Variants in GIGYF2 observed in about 807,000 individuals in gnomAD.
The protein encoded by GIGYF2 is GRB10 interacting GYF protein 2, also known as GRB10-interacting GYF protein 2.
A neutral mutation model predicts 208.1 loss-of-function variants in GIGYF2; 25 were observed. That is an observed-to-expected ratio of 0.12 (90% CI 0.09 to 0.17). GIGYF2 has a LOEUF of 0.17. GIGYF2 is among the 10% of genes least tolerant of loss of function. GIGYF2 has a pLI of 1.00. For missense variants in GIGYF2, 1,302 were observed against 1,579.4 expected, an observed-to-expected ratio of 0.82 and a Z score of 2.98; for synonymous variants, 534 against 543.8, an observed-to-expected ratio of 0.98 and a Z score of 0.25.
At chr2:232,722,585 T>C (rs966899993) in intron 2 of GIGYF2, 3 of 152,206 alleles carry the variant, frequency 2.0e-5, no homozygotes, top group Non-Finnish European at 4.4e-5. Flanking sequence ...CAAGGTGTCC[T>C]GAATTGGAGA....
chr2:232,743,589 T>G (rs116779816), intron 3 of GIGYF2, among the ~76,000 whole-genome samples: 336 of 152,300 alleles, frequency 2.2e-3, no homozygotes, highest in African/African-American at 7.3e-3. Context: ...TAGACCCCAG[T>G]GTCTATCATT....
intron 2 of GIGYF2, among the ~76,000 whole-genome samples, chr2:232,706,386 G>A (rs759900641): frequency 2.0e-5 from 3 of 152,208 alleles, no homozygotes; most frequent in Admixed American, 6.5e-5. Context: ...GCTTACATCC[G>A]TAATCCCAGC....
chr2:232,804,381 GT>G (rs199519467), intron 14 of GIGYF2, among the ~76,000 whole-genome samples: 1,387 of 121,870 alleles, frequency 0.011, 11 homozygotes, highest in African/African-American at 0.035. Flanking sequence ...GAGCATCTCA[GT>G]TTTTTTTTTT....
At chr2:232,707,212 G>A (rs1335278796) in intron 2 of GIGYF2, among the ~76,000 whole-genome samples, 1 of 152,156 alleles carries the variant, frequency 6.6e-6, no homozygotes, top group Non-Finnish European at 1.5e-5. Context: ...ATTGTGGCTA[G>A]TATCTTCTTC....
intron 2 of GIGYF2, among the ~76,000 whole-genome samples, chr2:232,710,290 T>C (rs1177688898): frequency 4.6e-5 from 7 of 151,992 alleles, no homozygotes; most frequent in African/African-American, 1.7e-4. Context: ...GATCTCGCTA[T>C]GTTACCTAGG....
chr2:232,805,908 A>G (rs1197248057), intron 14 of GIGYF2, among the ~76,000 whole-genome samples: 1 of 152,198 alleles, frequency 6.6e-6, no homozygotes, highest in Non-Finnish European at 1.5e-5. Context: ...TGTTCAGTAA[A>G]TATTTGTTGA....
chr2:232,829,534 TA>T, intron 21 of GIGYF2, among the ~76,000 whole-genome samples: 1 of 152,354 alleles, frequency 6.6e-6, no homozygotes, highest in Non-Finnish European at 1.5e-5. Flanking sequence ...CCACTCATGG[TA>T]GAGCAGCAGA....
intron 8 of GIGYF2, among the ~76,000 whole-genome samples, chr2:232,783,329 A>G (rs1699782268): frequency 6.6e-6 from 1 of 152,166 alleles, no homozygotes; most frequent in South Asian, 2.1e-4. Context: ...CTGGTTTCAG[A>G]TTCTGGTTCC....
chr2:232,749,707 C>CTT (rs1209675176), intron 5 of GIGYF2, among the ~76,000 whole-genome samples: 1 of 152,116 alleles, frequency 6.6e-6, no homozygotes, highest in East Asian at 1.9e-4. Context: ...TTGAATGTTA[C>CTT]TTTATGGGCA....
intron 15 of GIGYF2, among the ~76,000 whole-genome samples, chr2:232,807,798 C>T (rs1314515785): frequency 1.3e-5 from 2 of 152,148 alleles, no homozygotes. Flanking sequence ...TCTCAAACTC[C>T]TGGGCTCAGG....
chr2:232,719,651 G>A (rs1696851276), intron 2 of GIGYF2, among the ~76,000 whole-genome samples: 1 of 151,746 alleles, frequency 6.6e-6, no homozygotes, highest in Non-Finnish European at 1.5e-5. Context: ...AAAAATATAG[G>A]GAGAAAAAGA....
At chr2:232,844,836 G>A (rs1026038086) in intron 25 of GIGYF2, among the ~76,000 whole-genome samples, 1 of 152,102 alleles carries the variant, frequency 6.6e-6, no homozygotes, top group African/African-American at 2.4e-5. Context: ...ATTAGGAATA[G>A]TATAATGTTT....
intron 9 of GIGYF2, among the ~76,000 whole-genome samples, chr2:232,787,585 C>T (rs1291249372): frequency 6.6e-6 from 1 of 152,148 alleles, no homozygotes; most frequent in Non-Finnish European, 1.5e-5. Context: ...CGCTCAACTG[C>T]AGAAATGAGG....
intron 2 of GIGYF2, among the ~76,000 whole-genome samples, chr2:232,712,486 G>A (rs1696466670): frequency 6.6e-6 from 1 of 152,144 alleles, no homozygotes; most frequent in South Asian, 2.1e-4. Context: ...ATGCCACATG[G>A]CAGTGAAGAA....
At chr2:232,708,413 A>G (rs1032930758) in intron 2 of GIGYF2, among the ~76,000 whole-genome samples, 2 of 152,148 alleles carry the variant, frequency 1.3e-5, no homozygotes, top group African/African-American at 4.8e-5. Context: ...AGGGAAAGAA[A>G]AGTGACAATG....
intron 8 of GIGYF2, among the ~76,000 whole-genome samples, chr2:232,785,318 G>T (rs1699876022): frequency 6.6e-6 from 1 of 152,084 alleles, no homozygotes; most frequent in South Asian, 2.1e-4. Flanking sequence ...AGCCTAGCTG[G>T]GTGGTTCTGG....
Position 232,796,110 on chromosome 2 carries a change from G to C in GIGYF2, c.1528G>C (p.Glu510Gln), listed in dbSNP as rs1700215128. The change falls in exon 14 of 29, where the codon GAA becomes CAA. Residue 510 changes from glutamate to glutamine, a missense_variant. Around this residue, in one of 8 missense-constraint regions of GIGYF2, gnomAD observed 69 missense variants for 132.8 expected, o/e 0.52. Transcript: ENST00000373563. ...TCTCCAAGACAGTGCACTAGATGAT[G>C]AAAGATTGGCATCAAAACTGCAAGA... ...AYLQDSALDD[E>Q]RLASKLQEHR... 1 of 1,609,606 alleles carries C rather than the reference G, an allele frequency of 6.2e-7. No individual in the cohort carries two copies. The highest frequency in any genetic ancestry group is 8.5e-7 in the Non-Finnish European group (1 of 1,175,964).
At chr2:232,818,220 TCTC>T (rs1700972099) in intron 20 of GIGYF2, among the ~76,000 whole-genome samples, 1 of 152,212 alleles carries the variant, frequency 6.6e-6, no homozygotes, top group Non-Finnish European at 1.5e-5. Context: ...ACTTCTGCCT[TCTC>T]TTTATTCTTT....
At position 232,720,564 on chromosome 2, in the gene GIGYF2, A is replaced by AATATAT. The variant is rs61010365; in HGVS notation, c.-43-14576_-43-14571dup. 1.5e-3 allele frequency among the ~76,000 whole-genome samples: 168 copies of AATATAT among 115,022 alleles called. 1 individual carries two copies. Among genetic ancestry groups the AATATAT allele is most frequent in the African/African-American group, 3.0e-3 (102 of 33,562 alleles). 75.5% of individuals were successfully genotyped at this position (115,022 alleles called of 152,430 possible). The stretch of plus-strand genomic sequence containing the variant: ...TAGTTTACACTCCTACCAACAGTGT[A>AATATAT]ATATATATATATATATATATTTTTG... On this transcript the variant is annotated intron_variant, in intron 2 of 28. Transcript: ENST00000373563.
Sources: gnomAD v4.1 joint callset for allele counts (sites outside exome capture counted in the v4.1 genomes callset) on GRCh38, gnomAD v4.1.1 for gene constraint, gnomAD v4.1.1 regional missense constraint, MANE v1.5 for transcripts, NCBI Gene and HGNC (gene_info 2026-07-23, HGNC 2026-07-21) for gene names.